EFHD1: variants seen among roughly 807,000 people sequenced by gnomAD.
EFHD1 encodes the protein EF-hand domain family member D1, also known as EF-hand domain-containing protein D1.
In EFHD1, 10 loss-of-function variants were observed where a neutral mutation model predicts 17.2. The ratio of observed to expected loss-of-function variants is 0.58; its 90% CI spans 0.36 to 0.99. The LOEUF (loss-of-function observed/expected upper bound fraction) is 0.99. EFHD1 is among the 50% of genes least tolerant of loss of function. EFHD1 has a pLI of 0.01. For synonymous variants in EFHD1, 153 were observed against 142.0 expected, an observed-to-expected ratio of 1.08 and a Z score of -0.55; for missense variants, 310 against 327.5, an observed-to-expected ratio of 0.95 and a Z score of 0.41.
intron 1 of EFHD1, among the ~76,000 whole-genome samples, chr2:232,642,373 C>CTAA (rs1694448223): frequency 1.4e-5 from 1 of 68,968 alleles, no homozygotes; most frequent in Non-Finnish European, 2.6e-5. Flanking sequence ...GACTCTGTCT[C>CTAA]AAAAAAAAAA....
At chr2:232,661,062 C>T (rs1051827284) in intron 1 of EFHD1, among the ~76,000 whole-genome samples, 7 of 151,906 alleles carry the variant, frequency 4.6e-5, no homozygotes, top group African/African-American at 9.7e-5. Context: ...GCACTAGAAA[C>T]GCTTGAACCT....
chr2:232,644,924 G>A (rs528732319), intron 1 of EFHD1, among the ~76,000 whole-genome samples: 50 of 148,718 alleles, frequency 3.4e-4, no homozygotes, highest in African/African-American at 1.1e-3. Context: ...TTACAGGCGT[G>A]AGCCACCATG....
intron 1 of EFHD1, among the ~76,000 whole-genome samples, chr2:232,608,412 T>C (rs1432807568): frequency 6.6e-6 from 1 of 152,228 alleles, no homozygotes; most frequent in Admixed American, 6.5e-5. Flanking sequence ...AACCTACATA[T>C]ACTTAAATCA....
chr2:232,622,541 G>A lies in EFHD1; in HGVS notation c.14+16368G>A, dbSNP rs989882395. ...TGGGTTTTATTTATTTAGACCCCAG[G>A]TCTAGCATCCCTGGAGCCTGGGTCG... On this transcript the variant is annotated intron_variant, in intron 1 of 3. Coordinates refer to the EFHD1 transcript ENST00000409613. 5.9e-5 allele frequency among the ~76,000 whole-genome samples: 9 copies of A among 152,294 alleles called. No homozygotes were observed. In the East Asian group the frequency reaches 7.7e-4, roughly 13 times the overall value.
At chr2:232,618,204 G>C (rs146559759) in intron 1 of EFHD1, among the ~76,000 whole-genome samples, 1 of 151,514 alleles carries the variant, frequency 6.6e-6, no homozygotes, top group African/African-American at 2.4e-5. Flanking sequence ...ACTTTTAGTG[G>C]AGATGGGCTT....
chr2:232,631,042 A>G (rs1694191909), upstream of EFHD1, among the ~76,000 whole-genome samples: 1 of 152,066 alleles, frequency 6.6e-6, no homozygotes, highest in Non-Finnish European at 1.5e-5. Flanking sequence ...CCTGGCCAAC[A>G]TGGTGAAACC....
At chr2:232,678,112 G>T (rs1339670108) in intron 3 of EFHD1, among the ~76,000 whole-genome samples, 1 of 151,792 alleles carries the variant, frequency 6.6e-6, no homozygotes, top group Non-Finnish European at 1.5e-5. Flanking sequence ...GTGAAACCCT[G>T]TCTCACTAAA....
intron 1 of EFHD1, among the ~76,000 whole-genome samples, chr2:232,625,526 C>A (rs1052333194): frequency 2.6e-5 from 4 of 151,998 alleles, no homozygotes; most frequent in African/African-American, 7.2e-5. Flanking sequence ...GGGAGTCTAC[C>A]CTCTGCTCTT....
At chr2:232,623,653 C>T (rs555788012) in intron 1 of EFHD1, among the ~76,000 whole-genome samples, 172 of 120,176 alleles carry the variant, frequency 1.4e-3, no homozygotes, top group African/African-American at 4.9e-3. Flanking sequence ...CCAGCCTGGG[C>T]GACAGAGTGA....
chr2:232,609,555 C>T (rs903807797), intron 1 of EFHD1, among the ~76,000 whole-genome samples: 18 of 152,150 alleles, frequency 1.2e-4, no homozygotes, highest in Non-Finnish European at 2.1e-4. Context: ...GACTAAAGCC[C>T]CCCTAAGTGG....
Position 232,672,362 on chromosome 2 carries a change from G to A in EFHD1, c.504G>A (p.Gly168=). Residue 168 remains glycine, a synonymous_variant, in exon 3 of 4, where the codon GGG becomes GGA. Coordinates refer to ENST00000264059, the MANE Select transcript of EFHD1 (RefSeq NM_025202.4). ...AAAGELQEDS[G]LMALAKLSEI... Reference sequence around the variant, plus strand: ...CAGGGGAGCTGCAGGAGGACAGTGGGCTGATGGCGCTGGCAAAGCTTTCTG... The same window carrying A: ...CAGGGGAGCTGCAGGAGGACAGTGGACTGATGGCGCTGGCAAAGCTTTCTG... 6.2e-7 allele frequency: 1 copy of A among 1,614,186 alleles called. No individual in the cohort carries two copies. Among genetic ancestry groups the A allele is most frequent in the South Asian group, 1.1e-5 (1 of 91,082 alleles).
At chr2:232,675,059 C>T (rs1004585473) in intron 3 of EFHD1, among the ~76,000 whole-genome samples, 1 of 151,770 alleles carries the variant, frequency 6.6e-6, no homozygotes, top group Non-Finnish European at 1.5e-5. Flanking sequence ...ACCTGTAATC[C>T]CAGCTACTTG....
At chr2:232,651,789 T>C (rs1694659604) in intron 1 of EFHD1, among the ~76,000 whole-genome samples, 1 of 152,076 alleles carries the variant, frequency 6.6e-6, no homozygotes, top group African/African-American at 2.4e-5. Flanking sequence ...GCCACTGCAC[T>C]CCAGCCTGGG....
At chr2:232,675,246 G>A (rs992223643) in intron 3 of EFHD1, among the ~76,000 whole-genome samples, 1 of 149,284 alleles carries the variant, frequency 6.7e-6, no homozygotes, top group African/African-American at 2.5e-5. Context: ...AGAAAGAAAA[G>A]AAAGAAAAGA....
chr2:232,679,429 T>C, intron 3 of EFHD1, among the ~76,000 whole-genome samples: 1 of 151,476 alleles, frequency 6.6e-6, no homozygotes, highest in Non-Finnish European at 1.5e-5. Context: ...TAAATGCAAA[T>C]TGGGGCTGAG....
chr2:232,651,270 G>A (rs1013498037), intron 1 of EFHD1, among the ~76,000 whole-genome samples: 1 of 152,252 alleles, frequency 6.6e-6, no homozygotes, highest in African/African-American at 2.4e-5. Context: ...GTGCTATTCT[G>A]TGGGGTTCCC....
intron 2 of EFHD1, among the ~76,000 whole-genome samples, chr2:232,664,610 T>TG (rs1170919498): frequency 1.1e-4 from 14 of 131,784 alleles, no homozygotes; most frequent in Non-Finnish European, 2.3e-4. Context: ...AAAATAGTTT[T>TG]TTTTTTTTTT....
chr2:232,679,277 A>G (rs1695232064), intron 3 of EFHD1, among the ~76,000 whole-genome samples: 1 of 152,328 alleles, frequency 6.6e-6, no homozygotes, highest in African/African-American at 2.4e-5. Context: ...TTAAATATGT[A>G]TATCGTCCCA....
At chr2:232,613,919 A>C (rs1482091611) in intron 1 of EFHD1, among the ~76,000 whole-genome samples, 2 of 151,248 alleles carry the variant, frequency 1.3e-5, no homozygotes, top group African/African-American at 4.9e-5. Flanking sequence ...TACACACACA[A>C]ATATATACAC....
Sources: allele counts gnomAD v4.1 joint callset (sites outside exome capture counted in the v4.1 genomes callset), GRCh38; gene constraint gnomAD v4.1.1; transcripts MANE v1.5; gene names NCBI Gene and HGNC (gene_info 2026-07-23, HGNC 2026-07-21).